Variants in ADCY9 observed in about 807,000 individuals in gnomAD.
ADCY9 encodes the protein adenylate cyclase type 9.
ADCY9 carries 50 observed loss-of-function variants against 101.5 expected under a neutral mutation model. The ratio of observed to expected loss-of-function variants is 0.49; its 90% confidence interval spans 0.39 to 0.62. The LOEUF is 0.62. ADCY9 is among the 20% of genes least tolerant of loss of function. ADCY9 has a pLI of 0.00. For synonymous variants in ADCY9, 905 were observed against 769.3 expected (o/e 1.18, Z -2.92); for missense variants, 1,662 against 1,800.4 (o/e 0.92, Z 1.39).
intron 2 of ADCY9, among the ~76,000 whole-genome samples, chr16:4,053,378 T>C (rs1312143775): frequency 1.3e-5 from 2 of 152,232 alleles, no homozygotes; most frequent in Non-Finnish European, 2.9e-5. Context: ...CAGTCGTTTT[T>C]TCAAATTCAG....
In ADCY9 at chr16:4,113,740, G is replaced by C; in HGVS notation, c.1693+10C>G. ...GGAGGGGGGATGCCGAGGTAAAGCAGTGCACATACCTTTCAACTGGTCAGC... is the reference window on the plus strand; with the variant it reads ...GGAGGGGGGATGCCGAGGTAAAGCACTGCACATACCTTTCAACTGGTCAGC... On this transcript the variant is annotated intron_variant, in intron 2 of 10. Coordinates refer to ENST00000294016, the MANE Select transcript of ADCY9 (RefSeq NM_001116.4). 6.2e-7 allele frequency: 1 copy of C among 1,608,264 alleles called. No individual in the cohort carries two copies. The highest frequency in any genetic ancestry group is 8.5e-7 in the Non-Finnish European group (1 of 1,175,722).
At chr16:3,954,672 G>T (rs2055898275) in intron 5 of ADCY9, among the ~76,000 whole-genome samples, 1 of 152,150 alleles carries the variant, frequency 6.6e-6, no homozygotes, top group Non-Finnish European at 1.5e-5. Context: ...TTGATGCTGG[G>T]AGGTTGCTGC....
intron 2 of ADCY9, among the ~76,000 whole-genome samples, chr16:4,071,193 G>A (rs1446118741): frequency 1.3e-5 from 2 of 151,882 alleles, no homozygotes; most frequent in East Asian, 3.9e-4. Flanking sequence ...AGCCAGCCAT[G>A]GTGATCCATG....
intron 2 of ADCY9, among the ~76,000 whole-genome samples, chr16:4,106,856 C>A (rs432166): frequency 0.4 from 61,461 of 152,034 alleles, 12,932 homozygotes; most frequent in East Asian, 0.53. Flanking sequence ...ATTACTATCT[C>A]ACCAAGCTGG....
chr16:4,057,063 C>T (rs1320778761), intron 2 of ADCY9, among the ~76,000 whole-genome samples: 1 of 137,644 alleles, frequency 7.3e-6, no homozygotes, highest in East Asian at 2.1e-4. Context: ...GCCAATCTTA[C>T]TCTTCTGTTA....
intron 2 of ADCY9, among the ~76,000 whole-genome samples, chr16:4,068,647 T>C (rs1369977745): frequency 2.0e-5 from 3 of 151,846 alleles, no homozygotes; most frequent in African/African-American, 7.3e-5. Flanking sequence ...ACCCCGTCTC[T>C]ACTAAAAATA....
intron 2 of ADCY9, among the ~76,000 whole-genome samples, chr16:4,036,466 T>TG (rs2056590722): frequency 7.3e-6 from 1 of 136,702 alleles, no homozygotes. Context: ...TTGTTTGTTT[T>TG]TTTTTTTTTT....
chr16:3,995,088 T>G (rs1347935154), intron 3 of ADCY9, among the ~76,000 whole-genome samples: 3 of 152,208 alleles, frequency 2.0e-5, no homozygotes, highest in African/African-American at 7.2e-5. Flanking sequence ...TTCAAATCAC[T>G]TTACCTCAGT....
At chr16:3,981,491 A>G (rs1567421006) in intron 7 of ADCY9, among the ~76,000 whole-genome samples, 1 of 151,166 alleles carries the variant, frequency 6.6e-6, no homozygotes, top group Non-Finnish European at 1.5e-5. Flanking sequence ...CGATAGTTAC[A>G]TAGTGGTGAT....
At position 3,964,335 on chromosome 16, in the gene ADCY9, CA is replaced by C. The variant is rs2055968191; in HGVS notation, c.*1439del. 1 of 152,282 alleles carries C rather than the reference CA, an allele frequency of 6.6e-6. No homozygotes were observed. Among genetic ancestry groups the C allele is most frequent in the South Asian group, 2.1e-4 (1 of 4,832 alleles). 9.4% of individuals were successfully genotyped at this position (152,282 alleles called of 1,614,324 possible). A position where few individuals can be genotyped will look rare whatever the true frequency, so the allele number is the denominator to read the frequency against. On this transcript the variant is annotated 3_prime_UTR_variant, in exon 11 of 11. Transcript: ENST00000294016. Reference sequence around the variant, plus strand: ...CACACAAACTTCAGACTCAATATGGCAAAACATAATCAGACAGGACCAGCAG... The same window carrying C: ...CACACAAACTTCAGACTCAATATGGCAAACATAATCAGACAGGACCAGCAG...
chr16:3,959,381 AAT>A (rs1227875721), downstream of ADCY9, among the ~76,000 whole-genome samples: 3 of 143,284 alleles, frequency 2.1e-5, no homozygotes, highest in East Asian at 2.1e-4. Flanking sequence ...AAAAAAAAAA[AAT>A]GTCCGTACTT....
intron 2 of ADCY9, among the ~76,000 whole-genome samples, chr16:4,108,360 A>ATTT (rs869169536): frequency 0.013 from 725 of 53,738 alleles, 115 homozygotes; most frequent in African/African-American, 0.047. Flanking sequence ...CCGTTTCTTC[A>ATTT]TTTTTTTTTT....
intron 2 of ADCY9, among the ~76,000 whole-genome samples, chr16:4,055,099 CAG>C (rs2056728457): frequency 6.6e-6 from 1 of 152,146 alleles, no homozygotes; most frequent in Admixed American, 6.5e-5. Context: ...ACAAGGCAGA[CAG>C]AGGCAGAGGA....
chr16:4,000,715 C>G (rs72762761), intron 3 of ADCY9, among the ~76,000 whole-genome samples: 8,098 of 152,106 alleles, frequency 0.053, 281 homozygotes, highest in Non-Finnish European at 0.085. Flanking sequence ...GGACCTCTCA[C>G]TCAATCCCTT....
chr16:4,113,643 T>G, intron 2 of ADCY9, 107 bp downstream of exon 2: 1 of 1,425,308 alleles, frequency 7.0e-7, no homozygotes, highest in Non-Finnish European at 9.5e-7. Context: ...TAAGGCATTC[T>G]GAGATACCTG....
intron 2 of ADCY9, among the ~76,000 whole-genome samples, chr16:4,095,115 GTCTCAGCCTCTGAGTAACT>G (rs928604527): frequency 6.7e-6 from 1 of 149,956 alleles, no homozygotes; most frequent in African/African-American, 2.5e-5. Context: ...CGATTCTCCT[GTCTCAGCCTCTGAGTAACT>G]GGGATTACAG....
intron 2 of ADCY9, among the ~76,000 whole-genome samples, chr16:4,106,564 T>C (rs1344829246): frequency 6.6e-6 from 1 of 152,166 alleles, no homozygotes; most frequent in East Asian, 1.9e-4. Context: ...CAGGGCCAGA[T>C]GGATGACAGG....
chr16:4,088,413 T>C (rs570029154), intron 2 of ADCY9, among the ~76,000 whole-genome samples: 1 of 152,090 alleles, frequency 6.6e-6, no homozygotes, highest in African/African-American at 2.4e-5. Context: ...CACCTCAGCC[T>C]CCAGAGTAGT....
At chr16:4,040,458 A>ATTTT (rs35756805) in intron 2 of ADCY9, among the ~76,000 whole-genome samples, 1 of 144,276 alleles carries the variant, frequency 6.9e-6, no homozygotes, top group African/African-American at 2.6e-5. Flanking sequence ...CATCTTCTTA[A>ATTTT]TTTTTTTTTT....
Sources: gnomAD v4.1 joint callset for allele counts (sites outside exome capture counted in the v4.1 genomes callset) on GRCh38, gnomAD v4.1.1 for gene constraint, MANE v1.5 for transcripts, NCBI Gene and HGNC (gene_info 2026-07-23, HGNC 2026-07-21) for gene names.